The following PCNX1 variants were observed in gnomAD, a reference collection of about 807,000 sequenced individuals.
The protein encoded by PCNX1 is pecanex 1, also known as pecanex-like protein 1.
Under a neutral mutation model 242.2 loss-of-function variants are expected in PCNX1, and 78 were observed. The observed-to-expected ratio is 0.32, with a 90% confidence interval of 0.27 to 0.39. The LOEUF (loss-of-function observed/expected upper bound fraction) is 0.39, where lower values mean the gene tolerates loss of function less well. Ranked by LOEUF, PCNX1 falls within the 10% of genes least tolerant of loss-of-function variation. PCNX1 has a pLI of 1.00. For synonymous variants in PCNX1, 1,024 were observed against 1,032.9 expected (o/e 0.99, Z 0.17); for missense variants, 2,581 against 2,856.5 (o/e 0.90, Z 2.20).
chr14:70,958,168 T>C (rs752738288), intron 2 of PCNX1, among the ~76,000 whole-genome samples: 2 of 152,220 alleles, frequency 1.3e-5, no homozygotes. Flanking sequence ...ATTTGTATAC[T>C]GAATTGGCCA....
rs1475137463 is a variant in PCNX1 at position 70,987,569 on chromosome 14, GT to G, written c.2312-993del. On this transcript the variant is annotated intron_variant, in intron 6 of 35. Transcript: ENST00000304743. Reference sequence around the variant, plus strand: ...AAAGAATGTTTCTGTGCTAACTTGTGTTTTTATTCATATTTAGCATCAAAAT... The same window carrying G: ...AAAGAATGTTTCTGTGCTAACTTGTGTTTTATTCATATTTAGCATCAAAAT... Among the ~76,000 whole-genome samples, 5 of 152,082 alleles carry G rather than the reference GT, an allele frequency of 3.3e-5. No individual in the cohort carries two copies. In the East Asian group the frequency reaches 9.6e-4, roughly 29 times the overall value.
intron 1 of PCNX1, among the ~76,000 whole-genome samples, chr14:70,916,416 A>T (rs1042468817): frequency 6.6e-6 from 1 of 152,206 alleles, no homozygotes; most frequent in Non-Finnish European, 1.5e-5. Flanking sequence ...TGAAGACGAA[A>T]AAAGAGCCAG....
intron 30 of PCNX1, among the ~76,000 whole-genome samples, chr14:71,096,638 G>A (rs1194066434): frequency 6.6e-6 from 1 of 152,112 alleles, no homozygotes; most frequent in Non-Finnish European, 1.5e-5. Context: ...GCTTGTATAG[G>A]AAAATGTGAA....
At chr14:70,990,408 A>AG (rs1466524796) in intron 7 of PCNX1, among the ~76,000 whole-genome samples, 6 of 151,712 alleles carry the variant, frequency 4.0e-5, no homozygotes, top group African/African-American at 1.5e-4. Context: ...AAATAAAAAA[A>AG]AAAAAATTAG....
chr14:70,957,779 A>G (rs1470185292), intron 2 of PCNX1, among the ~76,000 whole-genome samples: 2 of 152,120 alleles, frequency 1.3e-5, no homozygotes, highest in Non-Finnish European at 2.9e-5. Flanking sequence ...TGTGAATCAT[A>G]TTTCAATAAA....
intron 16 of PCNX1, chr14:71,031,775 C>T (rs1042096273): frequency 7.0e-6 from 10 of 1,424,236 alleles, no homozygotes; most frequent in African/African-American, 7.0e-5. Flanking sequence ...TTCTCAGCCT[C>T]TTCCTACCAG....
rs1310139734 is a variant in PCNX1, at chr14:71,108,767, G to A, written c.6465G>A (p.Gln2155=). ...CTTGTCGGCGCTCTTCTACTAGTCAGATATCGCTTCGAAACTTGCCATCAT... is the reference window on the plus strand; with the variant it reads ...CTTGTCGGCGCTCTTCTACTAGTCAAATATCGCTTCGAAACTTGCCATCAT... ...FVPCRRSSTS[Q]ISLRNLPSSI... The change falls in exon 34 of 36, where the codon CAG becomes CAA. Residue 2155 remains glutamine, a synonymous_variant. Coordinates refer to ENST00000304743, the MANE Select transcript of PCNX1 (RefSeq NM_014982.3). 1.2e-6 allele frequency: 2 copies of A among 1,614,254 alleles called. No individual in the cohort carries two copies. The highest frequency in any genetic ancestry group is 8.5e-7 in the Non-Finnish European group (1 of 1,180,046).
At chr14:71,022,879 C>T (rs2060142209) in intron 12 of PCNX1, among the ~76,000 whole-genome samples, 1 of 152,026 alleles carries the variant, frequency 6.6e-6, no homozygotes, top group Admixed American at 6.6e-5. Context: ...ACCTTAACTC[C>T]ACTTGTATAT....
chr14:70,940,073 C>G (rs1248664218), intron 1 of PCNX1, among the ~76,000 whole-genome samples: 1 of 152,148 alleles, frequency 6.6e-6, no homozygotes, highest in East Asian at 1.9e-4. Flanking sequence ...TGGGTCTTGA[C>G]TCTTTATCCA....
chr14:71,052,594 T>TA (rs34227526), intron 24 of PCNX1, among the ~76,000 whole-genome samples: 81,611 of 151,964 alleles, frequency 0.54, 22,847 homozygotes, highest in East Asian at 0.73. Flanking sequence ...TCAGTAATAT[T>TA]GAATTATTTC....
intron 1 of PCNX1, among the ~76,000 whole-genome samples, chr14:70,945,139 G>A (rs1011208629): frequency 2.8e-4 from 43 of 152,222 alleles, no homozygotes; most frequent in African/African-American, 9.9e-4. Flanking sequence ...AACCAGCCCC[G>A]GCTCCTGAGG....
intron 26 of PCNX1, 21 bp from the exon 27 acceptor site, chr14:71,073,524 A>AGCTC (rs1555374126): frequency 2.6e-6 from 4 of 1,537,018 alleles, no homozygotes; most frequent in Non-Finnish European, 3.5e-6. Flanking sequence ...CCCTTTGTAA[A>AGCTC]GCTCTCTCTC....
Position 70,936,925 on chromosome 14 carries a change from GTCT to G in PCNX1, c.154-9985_154-9983del, listed in dbSNP as rs573520189. Among the ~76,000 whole-genome samples the G allele has an allele frequency of 1.8e-4, 28 of 152,320 alleles. No homozygotes were observed. In the East Asian group the frequency reaches 5.4e-3, roughly 29 times the overall value. On this transcript the variant is annotated intron_variant, in intron 1 of 35. Coordinates refer to ENST00000304743, the MANE Select transcript of PCNX1 (RefSeq NM_014982.3). ...TTATGTGTCTGTTGGCTGGATAAAT[GTCT>G]TCTTTTGAGAAGTGTCTGTGTATAT...
chr14:70,907,827 C>G lies in PCNX1; in HGVS notation c.-24C>G, dbSNP rs2055626431. The G allele has an allele frequency of 1.6e-6, 2 of 1,252,982 alleles. No homozygotes were observed. Among genetic ancestry groups the G allele is most frequent in the Non-Finnish European group, 2.0e-6 (2 of 997,324 alleles). The allele number at this position is 1,252,982 out of a possible 1,614,324, so 77.6% of individuals were successfully genotyped here. On this transcript the variant is annotated 5_prime_UTR_variant, in exon 1 of 36. Transcript: ENST00000304743. Reference sequence around the variant, plus strand: ...GCGGGGACGGCGGCGGCGGCGGCGGCGACGGCGGCGGCGCCGGGTGGGGAT... The same window carrying G: ...GCGGGGACGGCGGCGGCGGCGGCGGGGACGGCGGCGGCGCCGGGTGGGGAT...
At chr14:70,930,098 G>A (rs2056736715) in intron 1 of PCNX1, among the ~76,000 whole-genome samples, 2 of 151,872 alleles carry the variant, frequency 1.3e-5, no homozygotes, top group South Asian at 4.2e-4. Context: ...GCATGTGTGT[G>A]TGCCTGTGCA....
chr14:71,071,568 C>T (rs1391659426), intron 26 of PCNX1, among the ~76,000 whole-genome samples: 1 of 152,104 alleles, frequency 6.6e-6, no homozygotes, highest in Non-Finnish European at 1.5e-5. Context: ...TAACCCTATT[C>T]CTTCTGCTCC....
chr14:71,000,951 AC>A (rs898954105), intron 8 of PCNX1, among the ~76,000 whole-genome samples: 1 of 152,186 alleles, frequency 6.6e-6, no homozygotes, highest in African/African-American at 2.4e-5. Flanking sequence ...CCAGTTATTA[AC>A]TATGCGATCT....
At chr14:71,048,015 C>G (rs1446152223) in intron 22 of PCNX1, 31 bp downstream of exon 22, 1 of 1,492,156 alleles carries the variant, frequency 6.7e-7, no homozygotes, top group African/African-American at 1.4e-5. Flanking sequence ...ATATCCTTAT[C>G]TATAAAAACT....
Position 70,944,858 on chromosome 14 carries a change from G to A in PCNX1, c.154-2057G>A, listed in dbSNP as rs1229488114. On this transcript the variant is annotated intron_variant, in intron 1 of 35. Coordinates refer to ENST00000304743, the MANE Select transcript of PCNX1 (RefSeq NM_014982.3). ...GGTTTTATAAGGGGCTTCCCCGTTC[G>A]CTTGGTATTCATTTCTCTCTCCTGC... is the stretch of plus-strand genomic sequence containing the variant. Among the ~76,000 whole-genome samples the A allele has an allele frequency of 3.3e-5, 5 of 152,140 alleles. 1 individual carries two copies. Among genetic ancestry groups the A allele is most frequent in the Admixed American group, 1.3e-4 (2 of 15,290 alleles).
Sources: allele counts gnomAD v4.1 joint callset (sites outside exome capture counted in the v4.1 genomes callset), GRCh38; gene constraint gnomAD v4.1.1; transcripts MANE v1.5; gene names NCBI Gene and HGNC (gene_info 2026-07-23, HGNC 2026-07-21).